The following MED13 variants were observed in gnomAD, a reference collection of about 807,000 sequenced individuals.
The protein encoded by MED13 is mediator of RNA polymerase II transcription subunit 13.
Under a neutral mutation model 225.2 loss-of-function variants are expected in MED13, and 23 were observed. The observed-to-expected ratio is 0.10, with a 90% CI of 0.07 to 0.14. The LOEUF is 0.14. Among genes scored for constraint, MED13 ranks in the 10% least tolerant of loss-of-function variants. The probability of loss-of-function intolerance (pLI) is 1.00; values close to 1 mark genes in which losing one functional copy is unlikely to be tolerated. For missense variants in MED13, 2,197 were observed against 2,594.5 expected (o/e 0.85, Z 3.33); for synonymous variants, 942 against 889.2 (o/e 1.06, Z -1.06).
intron 3 of MED13, among the ~76,000 whole-genome samples, chr17:62,051,613 TACTAAA>T (rs1371374126): frequency 6.6e-6 from 1 of 151,196 alleles, no homozygotes; most frequent in Non-Finnish European, 1.5e-5. Flanking sequence ...CATCCAGTCT[TACTAAA>T]ACTAAAAAGT....
At chr17:61,994,113 G>A (rs540223768) in intron 10 of MED13, among the ~76,000 whole-genome samples, 85 of 151,382 alleles carry the variant, frequency 5.6e-4, no homozygotes, top group African/African-American at 2.0e-3. Context: ...ATTCTCCTGT[G>A]TCAGCCTCCT....
chr17:62,020,543 A>AT lies in MED13; in HGVS notation c.1283+8997dup, dbSNP rs61404267. On this transcript the variant is annotated intron_variant, in intron 8 of 29. Transcript: ENST00000397786. ...AGGTGTGCATCACCACGCCCGGCTA[A>AT]TTTTTTTTTGTACTTTTAGTAGAGA... Among the ~76,000 whole-genome samples, 449 of 150,740 alleles carry AT rather than the reference A, an allele frequency of 3.0e-3. 2 individuals are homozygous for AT. Among genetic ancestry groups the AT allele is most frequent in the African/African-American group, 0.01 (415 of 41,122 alleles).
rs565588410 is a variant in MED13 at position 61,951,993 on chromosome 17, G to A, written c.6117+972C>T. Among the ~76,000 whole-genome samples, 12 of 152,194 alleles carry A rather than the reference G, an allele frequency of 7.9e-5. No individual in the cohort carries two copies. In the East Asian group the frequency reaches 1.2e-3, roughly 15 times the overall value. Reference sequence around the variant, plus strand: ...GCTCACTGCAAGCTCCACCTCCCGGGTTCACACCATTCTCCTGTCTCAGCC... The same window carrying A: ...GCTCACTGCAAGCTCCACCTCCCGGATTCACACCATTCTCCTGTCTCAGCC... On this transcript the variant is annotated intron_variant, in intron 27 of 29. Transcript: ENST00000397786.
At position 61,962,944 on chromosome 17, in the gene MED13, G is replaced by A; in HGVS notation, c.4872C>T (p.Ile1624=). 1 of 1,614,040 alleles carries A rather than the reference G, an allele frequency of 6.2e-7. No individual in the cohort carries two copies. Among genetic ancestry groups the A allele is most frequent in the Non-Finnish European group, 8.5e-7 (1 of 1,180,016 alleles). ...CTGCATGTGAATCACCATCTGTGGGGATTCCCACTTTATCCCGATCCATCG... is the reference window on the plus strand; with the variant it reads ...CTGCATGTGAATCACCATCTGTGGGAATTCCCACTTTATCCCGATCCATCG... ...ESTMDRDKVG[I]PTDGDSHAVT... The change falls in exon 21 of 30, where the codon ATC becomes ATT. Residue 1624 remains isoleucine, a synonymous_variant. Transcript: ENST00000397786.
intron 3 of MED13, among the ~76,000 whole-genome samples, chr17:62,036,651 T>C (rs1603406562): frequency 6.6e-6 from 1 of 152,228 alleles, no homozygotes; most frequent in East Asian, 1.9e-4. Flanking sequence ...TAAATTATAG[T>C]AAAAGTAATG....
At chr17:61,952,905 G>C in intron 27 of MED13, 60 bp downstream of exon 27, 1 of 1,560,532 alleles carries the variant, frequency 6.4e-7, no homozygotes, top group Non-Finnish European at 8.7e-7. Flanking sequence ...AAAGTGCTGG[G>C]ATTTTAGGCG....
At chr17:62,025,205 T>C (rs1479574832) in intron 8 of MED13, among the ~76,000 whole-genome samples, 1 of 152,190 alleles carries the variant, frequency 6.6e-6, no homozygotes, top group East Asian at 1.9e-4. Context: ...TCACAACTAT[T>C]CAACTCTGCC....
At chr17:62,006,279 A>G (rs1402934102) in intron 9 of MED13, 2 of 129,244 alleles carry the variant, frequency 1.5e-5, no homozygotes, top group Non-Finnish European at 3.3e-5. Context: ...GTAAAAAAAA[A>G]AAAAAGGGGG....
At chr17:61,951,467 A>C (rs1218032399) in intron 27 of MED13, among the ~76,000 whole-genome samples, 2 of 152,222 alleles carry the variant, frequency 1.3e-5, no homozygotes, top group African/African-American at 4.8e-5. Flanking sequence ...CTACCAAGTC[A>C]CATGCATATC....
At chr17:61,998,536 A>C (rs929954033) in intron 9 of MED13, among the ~76,000 whole-genome samples, 2 of 151,926 alleles carry the variant, frequency 1.3e-5, no homozygotes, top group African/African-American at 4.8e-5. Flanking sequence ...GAAGCAGATA[A>C]GCTACAGACG....
intron 23 of MED13, 101 bp from the exon 24 acceptor site, chr17:61,956,582 T>A: frequency 8.3e-7 from 1 of 1,211,484 alleles, no homozygotes; most frequent in Non-Finnish European, 1.2e-6. Context: ...TCACCCAGGC[T>A]GGATGGAGTG....
In MED13 at chr17:61,942,644, TTTTTTG is replaced by T. The variant is rs2079822948; in HGVS notation, c.*3818_*3823del. ...ATAATTTATTCCATTTGAAGTTTTG[TTTTTTG>T]TTTTTGTTTTTTTTTTTTTAAAAAG... On this transcript the variant is annotated 3_prime_UTR_variant, in exon 30 of 30. Transcript: ENST00000397786. 6.6e-6 allele frequency: 1 copy of T among 152,190 alleles called. No individual in the cohort carries two copies. The highest frequency in any genetic ancestry group is 1.5e-5 in the Non-Finnish European group (1 of 67,914). The allele number at this position is 152,190 out of a possible 1,614,324, so 9.4% of individuals were successfully genotyped here.
intron 2 of MED13, among the ~76,000 whole-genome samples, chr17:62,055,376 C>T (rs796125608): frequency 1.0e-4 from 15 of 150,064 alleles, no homozygotes; most frequent in African/African-American, 3.7e-4. Context: ...GGCGACATAG[C>T]GAGACTCTGA....
chr17:62,004,746 T>C (rs925176610), intron 9 of MED13: 1 of 152,198 alleles, frequency 6.6e-6, no homozygotes, highest in Non-Finnish European at 1.5e-5. Context: ...CTTGCAATGA[T>C]TACCCTCACT....
intron 7 of MED13, 28 bp from the exon 8 acceptor site, chr17:62,029,679 A>G (rs1433116203): frequency 4.4e-6 from 7 of 1,583,594 alleles, no homozygotes; most frequent in Non-Finnish European, 5.2e-6. Context: ...AAAATTCTTT[A>G]AAATTCATAA....
intron 25 of MED13, 38 bp from the exon 26 acceptor site, chr17:61,955,605 G>A: frequency 7.8e-6 from 12 of 1,542,352 alleles, no homozygotes; most frequent in Non-Finnish European, 1.0e-5. Context: ...AATAAACGAA[G>A]AATAAATTGT....
intron 28 of MED13, among the ~76,000 whole-genome samples, chr17:61,948,750 TGTGGATTAA>T (rs1208930024): frequency 2.0e-5 from 3 of 151,058 alleles, no homozygotes; most frequent in Admixed American, 2.0e-4. Context: ...TAGCATGACT[TGTGGATTAA>T]AAACAGTCAA....
chr17:61,983,061 T>A lies in MED13; in HGVS notation c.2942A>T (p.His981Leu). 6.2e-7 allele frequency: 1 copy of A among 1,613,338 alleles called. No individual in the cohort carries two copies. The highest frequency in any genetic ancestry group is 8.5e-7 in the Non-Finnish European group (1 of 1,179,516). Residue 981 changes from histidine (H) to leucine (L), a missense_variant, in exon 16 of 30, where the codon CAT becomes CTT. Around this residue, in one of 12 missense-constraint regions of MED13, gnomAD observed 160 missense variants for 184.8 expected, o/e 0.87. Transcript: ENST00000397786. ...EYGTAYTPQT[H>L]TSFGMPPSSA... The stretch of plus-strand genomic sequence containing the variant: ...GCTAGGAGGCATCCCAAAAGAAGTA[T>A]GAGTTTGAGGTGTATAAGCAGTGCC...
chr17:61,957,495 G>A (rs767183174), intron 23 of MED13, among the ~76,000 whole-genome samples: 2 of 151,364 alleles, frequency 1.3e-5, no homozygotes, highest in African/African-American at 2.4e-5. Flanking sequence ...GATTACAGGC[G>A]CCCGCCACCA....
Sources: gnomAD v4.1 joint callset for allele counts (sites outside exome capture counted in the v4.1 genomes callset) on GRCh38, gnomAD v4.1.1 for gene constraint, gnomAD v4.1.1 regional missense constraint, MANE v1.5 for transcripts, NCBI Gene and HGNC (gene_info 2026-07-23, HGNC 2026-07-21) for gene names.